The following TRIM9 variants were observed in gnomAD, a reference collection of about 807,000 sequenced individuals.
The protein encoded by TRIM9 is E3 ubiquitin-protein ligase TRIM9.
In TRIM9, 26 loss-of-function variants were observed where a neutral mutation model predicts 78.3. That is an observed-to-expected ratio of 0.33 (90% CI 0.24 to 0.46). TRIM9 has a LOEUF of 0.46. TRIM9 is among the 20% of genes least tolerant of loss of function. The pLI is 1.00. For missense variants in TRIM9, 787 were observed against 1,036.4 expected (o/e 0.76, Z 3.30); for synonymous variants, 398 against 416.5 (o/e 0.96, Z 0.54).
intron 1 of TRIM9, among the ~76,000 whole-genome samples, chr14:51,059,971 T>C (rs1382897612): frequency 6.6e-6 from 1 of 152,168 alleles, no homozygotes; most frequent in Non-Finnish European, 1.5e-5. Flanking sequence ...GAAAATATGA[T>C]ACAAATTGTT....
At chr14:51,019,099 T>G (rs2057501589) in intron 3 of TRIM9, among the ~76,000 whole-genome samples, 1 of 152,250 alleles carries the variant, frequency 6.6e-6, no homozygotes, top group South Asian at 2.1e-4. Context: ...AGTGTTGTCA[T>G]AAATTCCCTG....
At chr14:51,020,254 G>C (rs1241440046) in intron 3 of TRIM9, among the ~76,000 whole-genome samples, 5 of 152,212 alleles carry the variant, frequency 3.3e-5, no homozygotes, top group Non-Finnish European at 7.3e-5. Flanking sequence ...ACAAGAAAGG[G>C]AAAAGGCAGG....
intron 1 of TRIM9, among the ~76,000 whole-genome samples, chr14:51,050,515 T>C (rs945458269): frequency 6.6e-6 from 1 of 152,122 alleles, no homozygotes; most frequent in Non-Finnish European, 1.5e-5. Flanking sequence ...CCCAGTCTTG[T>C]GTATGTCTTT....
chr14:51,038,776 A>G (rs2059362398), intron 1 of TRIM9, among the ~76,000 whole-genome samples: 1 of 152,256 alleles, frequency 6.6e-6, no homozygotes, highest in Non-Finnish European at 1.5e-5. Context: ...CTTCTCCGTC[A>G]GTCTGGAATC....
intron 1 of TRIM9, among the ~76,000 whole-genome samples, chr14:51,061,162 C>T (rs2061324682): frequency 6.6e-6 from 1 of 152,072 alleles, no homozygotes; most frequent in Admixed American, 6.6e-5. Context: ...CCTGTAATCC[C>T]AGCACTTTGG....
intron 1 of TRIM9, among the ~76,000 whole-genome samples, chr14:51,066,778 G>A (rs1269471926): frequency 6.6e-6 from 1 of 152,192 alleles, no homozygotes; most frequent in Non-Finnish European, 1.5e-5. Flanking sequence ...AGCTCCACTG[G>A]TTGCAGCTCG....
chr14:51,061,260 A>G (rs2140157648), intron 1 of TRIM9, among the ~76,000 whole-genome samples: 2 of 152,152 alleles, frequency 1.3e-5, no homozygotes, highest in East Asian at 3.9e-4. Flanking sequence ...GAAAAATATA[A>G]AAGTTAGCTG....
chr14:51,006,858 C>T (rs866132613), intron 5 of TRIM9, among the ~76,000 whole-genome samples: 4 of 152,144 alleles, frequency 2.6e-5, no homozygotes, highest in Admixed American at 2.0e-4. Flanking sequence ...CAGCCTTGTC[C>T]CTCTTACTTT....
At chr14:51,036,133 AG>A (rs1437845785) in intron 1 of TRIM9, among the ~76,000 whole-genome samples, 1 of 152,196 alleles carries the variant, frequency 6.6e-6, no homozygotes, top group Non-Finnish European at 1.5e-5. Flanking sequence ...CGAGGCAAAA[AG>A]TGGCTCTTCC....
intron 3 of TRIM9, 111 bp downstream of exon 3, chr14:51,022,724 G>A (rs870371): frequency 0.044 from 66,777 of 1,511,874 alleles, 2,340 homozygotes; most frequent in East Asian, 0.16. Flanking sequence ...ACCCAAGGCT[G>A]TGGGCATCCT....
chr14:50,997,312 A>C, intron 7 of TRIM9: 1 of 985,420 alleles, frequency 1.0e-6, no homozygotes, highest in South Asian at 4.7e-5. Flanking sequence ...AAATATTTAA[A>C]GTATAGCTAA....
intron 1 of TRIM9, among the ~76,000 whole-genome samples, chr14:51,052,005 A>AAAGGGAGAGG (rs2140085283): frequency 1.3e-5 from 2 of 148,472 alleles, no homozygotes; most frequent in East Asian, 4.2e-4. Context: ...AACGGAAAGG[A>AAAGGGAGAGG]AAGGGAGAGG....
intron 1 of TRIM9, among the ~76,000 whole-genome samples, chr14:51,061,346 G>C (rs2061338748): frequency 6.6e-6 from 1 of 151,320 alleles, no homozygotes; most frequent in African/African-American, 2.4e-5. Flanking sequence ...CCAGGAGGCG[G>C]AGGTTGCAGT....
At chr14:51,025,523 C>T (rs548664932) in intron 1 of TRIM9, among the ~76,000 whole-genome samples, 163 bp from the exon 2 acceptor site, 2 of 152,298 alleles carry the variant, frequency 1.3e-5, no homozygotes, top group South Asian at 2.1e-4. Context: ...TGTCGAAACT[C>T]CCTGTGCTCC....
Position 51,010,473 on chromosome 14 carries a change from G to A in TRIM9, c.1063C>T (p.His355Tyr). The A allele has an allele frequency of 6.2e-7, 1 of 1,613,472 alleles. No individual in the cohort carries two copies. Among genetic ancestry groups the A allele is most frequent in the Non-Finnish European group, 8.5e-7 (1 of 1,179,722 alleles). The change falls in exon 4 of 13, where the codon CAC becomes TAC. Residue 355 changes from histidine (H) to tyrosine (Y), a missense_variant. By Grantham distance (83) the His-to-Tyr change is moderately conservative. Transcript: ENST00000684578. ...GTCTGGCGCAATTTCACTGTGCAGTGAGAGATCTGATCTCGAACCACCTAG... is the reference window on the plus strand; with the variant it reads ...GTCTGGCGCAATTTCACTGTGCAGTAAGAGATCTGATCTCGAACCACCTAG... ...KLKVVRDQIS[H>Y]CTVKLRQTTG...
At chr14:51,086,781 C>T (rs1300034751) in intron 1 of TRIM9, among the ~76,000 whole-genome samples, 1 of 133,820 alleles carries the variant, frequency 7.5e-6, no homozygotes, top group Non-Finnish European at 1.6e-5. Context: ...CTGAAATGAC[C>T]AGATCTGTTT....
intron 11 of TRIM9, among the ~76,000 whole-genome samples, chr14:50,980,589 T>C (rs1481564488): frequency 6.6e-6 from 1 of 152,240 alleles, no homozygotes; most frequent in African/African-American, 2.4e-5. Flanking sequence ...AATGTGTTTC[T>C]CTGCATAGTG....
chr14:51,001,288 G>A (rs2139525035), intron 5 of TRIM9, among the ~76,000 whole-genome samples: 1 of 149,938 alleles, frequency 6.7e-6, no homozygotes, highest in Non-Finnish European at 1.5e-5. Flanking sequence ...GGAGTGCAGC[G>A]GCACAATCTC....
intron 3 of TRIM9, among the ~76,000 whole-genome samples, chr14:51,016,475 C>T (rs1356782534): frequency 1.5e-5 from 2 of 137,590 alleles, no homozygotes; most frequent in Non-Finnish European, 3.1e-5. Context: ...CCACCCCCTA[C>T]CCCCCTGCAG....
Sources: gnomAD v4.1 joint callset for allele counts (sites outside exome capture counted in the v4.1 genomes callset) on GRCh38, gnomAD v4.1.1 for gene constraint, MANE v1.5 for transcripts, NCBI Gene and HGNC (gene_info 2026-07-23, HGNC 2026-07-21) for gene names.